Variants in THOC5 observed in about 807,000 individuals in gnomAD.
The protein encoded by THOC5 is Fms-interacting protein.
In THOC5, 43 loss-of-function variants were observed where a neutral mutation model predicts 92.9. That is an observed-to-expected ratio of 0.46 (90% CI 0.36 to 0.60). The LOEUF (loss-of-function observed/expected upper bound fraction) is 0.60. THOC5 is among the 20% of genes least tolerant of loss of function. The pLI is 0.00. For synonymous variants in THOC5, 296 were observed against 320.1 expected (o/e 0.92, Z 0.80); for missense variants, 659 against 849.4 (o/e 0.78, Z 2.79).
chr22:29,546,335 G>A (rs2064018941), intron 2 of THOC5, among the ~76,000 whole-genome samples: 1 of 152,158 alleles, frequency 6.6e-6, no homozygotes. Flanking sequence ...AATCCCCCAC[G>A]GGGATTAACA....
intron 8 of THOC5, 181 bp downstream of exon 8, chr22:29,531,650 G>A: frequency 7.3e-7 from 1 of 1,378,424 alleles, no homozygotes. Flanking sequence ...GGTTAATCCA[G>A]CCTTAGGCCA....
At chr22:29,526,048 A>C (rs1401038727) in intron 11 of THOC5, 102 bp from the exon 12 acceptor site, 5 of 704,776 alleles carry the variant, frequency 7.1e-6, no homozygotes, top group Middle Eastern at 2.9e-4. Flanking sequence ...GTGTTGAAAA[A>C]CTAACTACTA....
intron 10 of THOC5, 31 bp from the exon 11 acceptor site, chr22:29,528,208 C>G (rs1180603931): frequency 2.5e-6 from 4 of 1,613,960 alleles, no homozygotes. Context: ...AGCTGATGAG[C>G]ATCAGTCATA....
Position 29,543,009 on chromosome 22 carries a change from G to A in THOC5, c.355-53C>T, listed in dbSNP as rs374138549. On this transcript the variant is annotated intron_variant, in intron 4 of 19. Transcript: ENST00000490103. ...GCAGGGCAAGTCAGGATGGAGCAGA[G>A]GAGAGGGTCAGCAAACTAAGAGAAG... 4 of 1,363,750 alleles carry A rather than the reference G, an allele frequency of 2.9e-6. No homozygotes were observed. The Admixed American group carries it at 5.6e-5, about 19-fold the overall frequency. 84.5% of individuals were successfully genotyped at this position (1,363,750 alleles called of 1,614,324 possible). A position where few individuals can be genotyped will look rare whatever the true frequency, so the allele number is the denominator to read the frequency against.
chr22:29,527,000 A>G (rs1211066392), intron 11 of THOC5, among the ~76,000 whole-genome samples: 1 of 152,216 alleles, frequency 6.6e-6, no homozygotes, highest in Non-Finnish European at 1.5e-5. Context: ...GTATTGGGCC[A>G]ATGAAATTAA....
At chr22:29,515,260 T>G (rs1156622586) in intron 17 of THOC5, among the ~76,000 whole-genome samples, 1 of 152,118 alleles carries the variant, frequency 6.6e-6, no homozygotes, top group East Asian at 1.9e-4. Context: ...CAGGCTGGTC[T>G]CGAACTCCTG....
chr22:29,549,679 C>T (rs952041019), intron 1 of THOC5, among the ~76,000 whole-genome samples: 21 of 152,188 alleles, frequency 1.4e-4, no homozygotes, highest in African/African-American at 5.1e-4. Context: ...TATTCCCTGA[C>T]TTGTCATAAA....
At position 29,541,860 on chromosome 22, in the gene THOC5, CCAAAAAAAAAAAAAAAAA is replaced by C. The variant is rs2063894620; in HGVS notation, c.452+981_452+998del. On this transcript the variant is annotated intron_variant, in intron 5 of 19. Transcript: ENST00000490103. ...TGGGCGACAGAGCAAGACTCCATCTCCAAAAAAAAAAAAAAAAAAAAAAAAAAAAAAAAATATATATAT... is the reference window on the plus strand; with the variant it reads ...TGGGCGACAGAGCAAGACTCCATCTCAAAAAAAAAAAAAAAATATATATAT... 9.5e-5 allele frequency among the ~76,000 whole-genome samples: 2 copies of C among 20,986 alleles called. 1 individual carries two copies. The highest frequency in any genetic ancestry group is 1.8e-3 in the Admixed American group (2 of 1,122). 13.8% of individuals were successfully genotyped at this position (20,986 alleles called of 152,430 possible).
Position 29,549,058 on chromosome 22 carries a change from G to C in THOC5, c.90C>G (p.Thr30=), listed in dbSNP as rs565641023. 32 of 1,613,968 alleles carry C rather than the reference G, an allele frequency of 2.0e-5. No homozygotes were observed. Among genetic ancestry groups the C allele is most frequent in the Non-Finnish European group, 2.6e-5 (31 of 1,179,956 alleles). Residue 30 remains threonine, a synonymous_variant, in exon 2 of 20, where the codon ACC becomes ACG. Coordinates refer to ENST00000490103, the MANE Select transcript of THOC5 (RefSeq NM_003678.5). ...PAEGKRNRSD[T]EQEGKYYSEE... ...CAACCCTGACTGATCTCACCTGCTCGGTGTCAGATCGATTCCGCTTTCCTT... is the reference window on the plus strand; with the variant it reads ...CAACCCTGACTGATCTCACCTGCTCCGTGTCAGATCGATTCCGCTTTCCTT...
At chr22:29,543,225 G>A (rs1288178356) in intron 4 of THOC5, among the ~76,000 whole-genome samples, 3 of 151,800 alleles carry the variant, frequency 2.0e-5, no homozygotes, top group Admixed American at 1.3e-4. Flanking sequence ...GGAGGTGCCT[G>A]TAATCCCAGC....
chr22:29,511,842 G>T (rs2043614526), intron 18 of THOC5, among the ~76,000 whole-genome samples, 179 bp downstream of exon 18: 2 of 152,204 alleles, frequency 1.3e-5, no homozygotes, highest in South Asian at 4.1e-4. Context: ...AGGCAAGTAG[G>T]TCTGGGCTCT....
intron 9 of THOC5, 31 bp downstream of exon 9, chr22:29,529,131 C>A: frequency 6.2e-7 from 1 of 1,611,438 alleles, no homozygotes; most frequent in Non-Finnish European, 8.5e-7. Flanking sequence ...ACCTGGTGTC[C>A]CTGGGGGACG....
chr22:29,545,977 C>T (rs1320972783), intron 2 of THOC5, among the ~76,000 whole-genome samples: 1 of 152,266 alleles, frequency 6.6e-6, no homozygotes, highest in African/African-American at 2.4e-5. Flanking sequence ...CAGCAGCAAA[C>T]TTTTGCCTGG....
At chr22:29,545,074 T>C (rs1426204864) in intron 2 of THOC5, 1 of 437,726 alleles carries the variant, frequency 2.3e-6, no homozygotes, top group Non-Finnish European at 4.5e-6. Flanking sequence ...CCCACATAGC[T>C]GGGGAGGCCT....
intron 7 of THOC5, among the ~76,000 whole-genome samples, chr22:29,533,456 C>A (rs1409091116): frequency 6.6e-6 from 1 of 152,162 alleles, no homozygotes; most frequent in African/African-American, 2.4e-5. Flanking sequence ...AAAAATGAAT[C>A]TTTACCCTTA....
chr22:29,545,188 G>A (rs1054959636), intron 2 of THOC5: 6 of 294,268 alleles, frequency 2.0e-5, no homozygotes, highest in South Asian at 2.8e-5. Context: ...ATCAGATGTC[G>A]TGAGACTTAT....
chr22:29,552,968 C>T (rs2064204050), intron 1 of THOC5, among the ~76,000 whole-genome samples: 1 of 152,162 alleles, frequency 6.6e-6, no homozygotes, highest in South Asian at 2.1e-4. Flanking sequence ...GAAACATGTG[C>T]TGTGTCCACT....
At chr22:29,524,076 T>C (rs965100250) in intron 12 of THOC5, among the ~76,000 whole-genome samples, 1 of 152,218 alleles carries the variant, frequency 6.6e-6, no homozygotes, top group Non-Finnish European at 1.5e-5. Context: ...AGACAACACC[T>C]GAAGGCCTAA....
chr22:29,515,432 G>A (rs1373261947), intron 17 of THOC5, among the ~76,000 whole-genome samples: 1 of 152,134 alleles, frequency 6.6e-6, no homozygotes, highest in East Asian at 1.9e-4. Context: ...CAAAAAATTT[G>A]TGTCACCTAC....
Sources: allele counts gnomAD v4.1 joint callset (sites outside exome capture counted in the v4.1 genomes callset), GRCh38; gene constraint gnomAD v4.1.1; transcripts MANE v1.5; gene names NCBI Gene and HGNC (gene_info 2026-07-23, HGNC 2026-07-21).